The following ENTPD5 variants were observed in gnomAD, a reference collection of about 807,000 sequenced individuals.
ENTPD5 encodes ectonucleoside triphosphate diphosphohydrolase 5 (inactive), also known as nucleoside diphosphate phosphatase ENTPD5.
In ENTPD5, 49 loss-of-function variants were observed where a neutral mutation model predicts 60.2. That is an observed-to-expected ratio of 0.81 (90% confidence interval 0.65 to 1.03). The LOEUF is 1.03. ENTPD5 is among the 50% of genes least tolerant of loss of function. The pLI is 0.00. For synonymous variants in ENTPD5, 187 were observed against 185.4 expected (o/e 1.01, Z -0.07); for missense variants, 480 against 507.6 (o/e 0.95, Z 0.52).
intron 1 of ENTPD5, chr14:74,018,448 T>C (rs1043832697): frequency 6.6e-6 from 1 of 152,318 alleles, no homozygotes; most frequent in Middle Eastern, 3.4e-3. Flanking sequence ...CTCCTAACTA[T>C]TGGCTTGGCA....
chr14:73,970,611 A>C (rs1467297191), intron 14 of ENTPD5, among the ~76,000 whole-genome samples: 1 of 152,182 alleles, frequency 6.6e-6, no homozygotes, highest in Non-Finnish European at 1.5e-5. Context: ...CAGCTTCTGA[A>C]GAACTTGCAC....
intron 3 of ENTPD5, among the ~76,000 whole-genome samples, chr14:74,005,915 A>C (rs775088860): frequency 6.6e-6 from 1 of 152,240 alleles, no homozygotes; most frequent in Non-Finnish European, 1.5e-5. Flanking sequence ...TACTTAAGGA[A>C]AAGAATTAAA....
intron 3 of ENTPD5, chr14:74,008,989 T>C (rs147537977): frequency 7.7e-4 from 118 of 152,298 alleles, no homozygotes; most frequent in African/African-American, 2.7e-3. Flanking sequence ...AAAATATCAT[T>C]AGACACGTGT....
intron 2 of ENTPD5, among the ~76,000 whole-genome samples, chr14:74,014,668 G>C (rs1477207217): frequency 1.3e-5 from 2 of 152,142 alleles, no homozygotes; most frequent in Non-Finnish European, 2.9e-5. Context: ...TTAAATCCTT[G>C]ACCGCCAGGA....
At chr14:73,968,886 C>A (rs2057101699) in intron 15 of ENTPD5, among the ~76,000 whole-genome samples, 1 of 152,076 alleles carries the variant, frequency 6.6e-6, no homozygotes. Flanking sequence ...TAAAGTAGAG[C>A]CTGCAGGTAC....
intron 4 of ENTPD5, chr14:73,987,277 A>C (rs1210620814): frequency 1.6e-6 from 1 of 625,236 alleles, no homozygotes; most frequent in East Asian, 2.7e-5. Flanking sequence ...AATATTATGG[A>C]TCCCTGGAGT....
chr14:74,008,571 ATT>A (rs2058750611), intron 3 of ENTPD5, among the ~76,000 whole-genome samples: 1 of 151,278 alleles, frequency 6.6e-6, no homozygotes, highest in Non-Finnish European at 1.5e-5. Flanking sequence ...CTTTTTGTGT[ATT>A]TTTAGTAGAG....
At chr14:73,959,462 T>C, downstream of ENTPD5, 1 of 1,614,236 alleles carries the variant, frequency 6.2e-7, no homozygotes, top group Non-Finnish European at 8.5e-7. Flanking sequence ...CCCATGAACA[T>C]GCAGCAGAGC....
intron 3 of ENTPD5, 36 bp from the exon 4 acceptor site, chr14:73,988,208 G>C: frequency 6.8e-7 from 1 of 1,461,964 alleles, no homozygotes; most frequent in Non-Finnish European, 9.0e-7. Flanking sequence ...AGACCAACTA[G>C]CTTTTTTAGT....
chr14:73,977,118 C>T, intron 7 of ENTPD5, 59 bp from the exon 8 acceptor site: 1 of 1,518,962 alleles, frequency 6.6e-7, no homozygotes, highest in Non-Finnish European at 9.0e-7. Flanking sequence ...TTCCTGGCCC[C>T]AACCTTGTTT....
chr14:74,012,195 C>T (rs952414521), intron 2 of ENTPD5, among the ~76,000 whole-genome samples: 1 of 152,112 alleles, frequency 6.6e-6, no homozygotes, highest in Non-Finnish European at 1.5e-5. Flanking sequence ...ACCTCCGCCT[C>T]CTGGGTTCAA....
At chr14:73,996,138 T>C in intron 3 of ENTPD5, 1 of 985,346 alleles carries the variant, frequency 1.0e-6, no homozygotes, top group Non-Finnish European at 1.2e-6. Flanking sequence ...CCTGAGTCCT[T>C]GCTTTCGCTG....
intron 3 of ENTPD5, among the ~76,000 whole-genome samples, chr14:74,001,100 G>A (rs763756588): frequency 2.0e-5 from 3 of 152,072 alleles, no homozygotes; most frequent in Non-Finnish European, 4.4e-5. Context: ...ACTCATGCCT[G>A]TAATCCTAGC....
intron 6 of ENTPD5, among the ~76,000 whole-genome samples, chr14:73,982,583 C>T (rs1228515647): frequency 6.6e-6 from 1 of 151,622 alleles, no homozygotes; most frequent in Non-Finnish European, 1.5e-5. Flanking sequence ...AGTGAAACCC[C>T]GTCTCTACTA....
At chr14:74,003,580 C>G in intron 3 of ENTPD5, 1 of 609,542 alleles carries the variant, frequency 1.6e-6, no homozygotes, top group East Asian at 3.7e-5. Flanking sequence ...TTGTGTAGAG[C>G]TTGTCTCAAT....
At chr14:73,962,876 C>T (rs542919580), downstream of ENTPD5, 173 of 1,077,872 alleles carry the variant, frequency 1.6e-4, no homozygotes, top group Non-Finnish European at 2.1e-4. Context: ...AACAAGGACA[C>T]TTGGGAAGAA....
chr14:73,998,328 A>T (rs189765836), intron 3 of ENTPD5, among the ~76,000 whole-genome samples: 94 of 152,232 alleles, frequency 6.2e-4, no homozygotes, highest in Middle Eastern at 3.4e-3. Context: ...CTATCTAATA[A>T]ATACGAAGGG....
chr14:73,998,213 T>C (rs993389036), intron 3 of ENTPD5, among the ~76,000 whole-genome samples: 1 of 152,088 alleles, frequency 6.6e-6, no homozygotes, highest in Admixed American at 6.6e-5. Context: ...TTCCTTGCAA[T>C]TATCTATAGG....
intron 2 of ENTPD5, among the ~76,000 whole-genome samples, chr14:74,011,625 C>T (rs1044723605): frequency 6.6e-6 from 1 of 152,088 alleles, no homozygotes; most frequent in African/African-American, 2.4e-5. Flanking sequence ...GGCGAAACTC[C>T]ATCTCTACAA....
Sources: allele counts gnomAD v4.1 joint callset (sites outside exome capture counted in the v4.1 genomes callset), GRCh38; gene constraint gnomAD v4.1.1; transcripts MANE v1.5; gene names NCBI Gene and HGNC (gene_info 2026-07-23, HGNC 2026-07-21).